Variants in NFATC1 observed in about 807,000 individuals in gnomAD.
NFATC1 encodes the protein nuclear factor of activated T cells 1.
NFATC1 carries 22 observed loss-of-function variants against 76.0 expected under a neutral mutation model. The ratio of observed to expected loss-of-function variants is 0.29; its 90% CI spans 0.21 to 0.41. The LOEUF is 0.41. Among genes scored for constraint, NFATC1 ranks in the 10% least tolerant of loss-of-function variants. The probability of loss-of-function intolerance (pLI) is 1.00; values close to 1 mark genes in which losing one functional copy is unlikely to be tolerated. For synonymous variants in NFATC1, 704 were observed against 613.1 expected, an observed-to-expected ratio of 1.15 and a Z score of -2.19; for missense variants, 1,357 against 1,337.7, an observed-to-expected ratio of 1.01 and a Z score of -0.23.
chr18:79,451,116 C>T lies in NFATC1; in HGVS notation c.1752C>T (p.Pro584=), dbSNP rs1354244178. 1 of 1,609,944 alleles carries T rather than the reference C, an allele frequency of 6.2e-7. No homozygotes were observed. Among genetic ancestry groups the T allele is most frequent in the Middle Eastern group, 1.7e-4 (1 of 6,050 alleles). The stretch of plus-strand genomic sequence containing the variant: ...TGTCCCTGCAGGTGGCCTCCAACCC[C>T]ATCGAATGCTGTAAGTGGACGTCCA... ...RTLSLQVASN[P]IECSQRSAQE... Residue 584 remains proline, a synonymous_variant, in exon 5 of 10, where the codon CCC becomes CCT. Transcript: ENST00000427363.
intron 2 of NFATC1, among the ~76,000 whole-genome samples, chr18:79,428,023 C>T (rs982653498): frequency 1.5e-5 from 2 of 133,754 alleles, no homozygotes; most frequent in Non-Finnish European, 3.1e-5. Flanking sequence ...GATGACTGGC[C>T]TCTGTGCAGT....
At chr18:79,476,196 G>A (rs541560370) in intron 8 of NFATC1, among the ~76,000 whole-genome samples, 5 of 152,356 alleles carry the variant, frequency 3.3e-5, no homozygotes, top group African/African-American at 7.2e-5. Flanking sequence ...TGAGCTTGGC[G>A]ACGCCAGCCG....
chr18:79,482,811 G>A (rs73496370), intron 8 of NFATC1, among the ~76,000 whole-genome samples: 10,334 of 120,712 alleles, frequency 0.086, 1,745 homozygotes, highest in African/African-American at 0.32. Flanking sequence ...TCACTTCAGC[G>A]TGACCTGGTC....
rs1568994752 is a variant in NFATC1 at position 79,464,699 on chromosome 18, T to TATA, written c.1960-2751_1960-2750insATA. Among the ~76,000 whole-genome samples the TATA allele has an allele frequency of 1.1e-4, 9 of 83,812 alleles. 1 individual carries two copies. The highest frequency in any genetic ancestry group is 3.6e-4 in the African/African-American group (6 of 16,882). The allele number at this position is 83,812 out of a possible 152,430, so 55.0% of individuals were successfully genotyped here. A position where few individuals can be genotyped will look rare whatever the true frequency, so the allele number is the denominator to read the frequency against. Reference sequence around the variant, plus strand: ...ATGTATGTGTATATATATATATTTATTTATTTATTTATTTTTTTTTTTTTG... The same window carrying TATA: ...ATGTATGTGTATATATATATATTTATATATTATTTATTTATTTTTTTTTTTTTG... On this transcript the variant is annotated intron_variant, in intron 7 of 9. Transcript: ENST00000427363.
intron 8 of NFATC1, among the ~76,000 whole-genome samples, chr18:79,474,093 C>T (rs1262357627): frequency 1.3e-4 from 19 of 141,156 alleles, no homozygotes; most frequent in African/African-American, 4.3e-4. Flanking sequence ...CGCTCACTGT[C>T]GACGTTGTAA....
intron 8 of NFATC1, among the ~76,000 whole-genome samples, chr18:79,478,543 C>T (rs141246230): frequency 1.2e-4 from 19 of 152,314 alleles, no homozygotes; most frequent in African/African-American, 4.6e-4. Context: ...GTCCTGGCTC[C>T]TGTTACCGGG....
At chr18:79,402,469 C>T in intron 1 of NFATC1, 1 of 875,624 alleles carries the variant, frequency 1.1e-6, no homozygotes, top group Non-Finnish European at 1.4e-6. Context: ...TGAACCTCAC[C>T]CTCGCAGGCA....
intron 1 of NFATC1, among the ~76,000 whole-genome samples, chr18:79,406,890 G>T (rs2085460719): frequency 6.6e-6 from 1 of 152,168 alleles, no homozygotes; most frequent in Admixed American, 6.5e-5. Context: ...TCCATGCGGG[G>T]CAGACGTCAG....
chr18:79,454,517 C>T (rs1408510252), intron 6 of NFATC1, among the ~76,000 whole-genome samples: 2 of 152,142 alleles, frequency 1.3e-5, no homozygotes, highest in Non-Finnish European at 2.9e-5. Flanking sequence ...GCATGGCTCG[C>T]CGTAGCCTGG....
At position 79,411,365 on chromosome 18, in the gene NFATC1, GCCGACTTCGCGC is replaced by G. The variant is rs751419798; in HGVS notation, c.1095_1106del (p.Asp365_Pro368del). 1 of 1,587,610 alleles carries G rather than the reference GCCGACTTCGCGC, an allele frequency of 6.3e-7. No individual in the cohort carries two copies. The highest frequency in any genetic ancestry group is 1.1e-5 in the South Asian group (1 of 87,544). ...GGACCTGGGCAGCCCCCCGCCCCCG[GCCGACTTCGCGC>G]CCGAAGACTACTCCTCTTTCCAGCA... On this transcript the variant is annotated inframe_deletion, in exon 2 of 10. Coordinates refer to ENST00000427363, the MANE Select transcript of NFATC1 (RefSeq NM_001278669.2).
At chr18:79,461,456 T>A in intron 7 of NFATC1, 90 bp downstream of exon 7, 3 of 881,502 alleles carry the variant, frequency 3.4e-6, no homozygotes, top group Non-Finnish European at 4.6e-6. Flanking sequence ...TCCCCAGGCC[T>A]TGGGAGGCTG....
rs2088424697 is a variant in NFATC1, at chr18:79,465,377, G to T, written c.1960-2073G>T. On this transcript the variant is annotated intron_variant, in intron 7 of 9. Coordinates refer to ENST00000427363, the MANE Select transcript of NFATC1 (RefSeq NM_001278669.2). This position sits in a 1 kb window ranked among gnomAD's most constrained non-coding sequence, Gnocchi z 4.2. ...TGCACCGTCCAGCATGCCCCACAGG[G>T]TCCCACCTCCACCCATCCAGCCTGC... Among the ~76,000 whole-genome samples the T allele has an allele frequency of 6.6e-6, 1 of 152,168 alleles. No individual in the cohort carries two copies. The highest frequency in any genetic ancestry group is 2.1e-4 in the South Asian group (1 of 4,822).
At chr18:79,508,754 C>T (rs77007634) in intron 9 of NFATC1, among the ~76,000 whole-genome samples, 5,320 of 151,330 alleles carry the variant, frequency 0.035, 171 homozygotes, top group Non-Finnish European at 0.047. Context: ...TCTCCGTCTC[C>T]CTCCCTTCCT....
chr18:79,487,808 T>C (rs1217246357), intron 9 of NFATC1, among the ~76,000 whole-genome samples: 1 of 152,184 alleles, frequency 6.6e-6, no homozygotes, highest in Non-Finnish European at 1.5e-5. Context: ...CCCTGCGGTT[T>C]GTGTGCGCGT....
chr18:79,427,470 G>GGA (rs1235488170), intron 2 of NFATC1, among the ~76,000 whole-genome samples: 1 of 85,692 alleles, frequency 1.2e-5, no homozygotes, highest in African/African-American at 4.4e-5. Flanking sequence ...GGTGGGTGGG[G>GGA]GCTGTACCAC....
rs138495243 is a variant in NFATC1, at chr18:79,457,097, C to T, written c.1904-4214C>T. ...GAGTGTGGACAGACATCACTGTCGC[C>T]GTGTGCTCCGAGAGAGGAGAGTTGG... is the stretch of plus-strand genomic sequence containing the variant. On this transcript the variant is annotated intron_variant, in intron 6 of 9. Transcript: ENST00000427363. Among the ~76,000 whole-genome samples the T allele has an allele frequency of 5.0e-3, 769 of 152,346 alleles. 8 individuals are homozygous for T. Among genetic ancestry groups the T allele is most frequent in the African/African-American group, 0.017 (711 of 41,578 alleles).
intron 1 of NFATC1, chr18:79,400,541 G>A (rs2085168316): frequency 3.9e-6 from 5 of 1,279,220 alleles, no homozygotes; most frequent in Non-Finnish European, 5.0e-6. Flanking sequence ...GGGCGCCCAG[G>A]CCCCCTCCGC....
At chr18:79,514,113 G>A (rs115007391) in intron 9 of NFATC1, among the ~76,000 whole-genome samples, 181 of 152,250 alleles carry the variant, frequency 1.2e-3, no homozygotes, top group African/African-American at 4.2e-3. Context: ...AGGGATTGGC[G>A]TTCCCATCTA....
At chr18:79,475,527 G>T (rs921247141) in intron 8 of NFATC1, among the ~76,000 whole-genome samples, 2 of 149,110 alleles carry the variant, frequency 1.3e-5, no homozygotes, top group African/African-American at 5.1e-5. Context: ...CATGCTCACC[G>T]TCGACACTGT....
Sources: allele counts gnomAD v4.1 joint callset (sites outside exome capture counted in the v4.1 genomes callset), GRCh38; gene constraint gnomAD v4.1.1; non-coding constraint Gnocchi (gnomAD v3.1); transcripts MANE v1.5; gene names NCBI Gene and HGNC (gene_info 2026-07-23, HGNC 2026-07-21).